The following ACTR3C variants were observed in gnomAD, a reference collection of about 807,000 sequenced individuals.
ACTR3C encodes actin-related protein 3C.
Under a neutral mutation model 26.3 loss-of-function variants are expected in ACTR3C, and 18 were observed. That is an observed-to-expected ratio of 0.68 (90% CI 0.47 to 1.01). The LOEUF is 1.01. Among genes scored for constraint, ACTR3C ranks in the 50% least tolerant of loss-of-function variants. The pLI, the probability that ACTR3C is intolerant of heterozygous loss-of-function variation, is 0.00. For synonymous variants in ACTR3C, 55 were observed against 94.5 expected, an observed-to-expected ratio of 0.58 and a Z score of 2.42; for missense variants, 184 against 250.7, an observed-to-expected ratio of 0.73 and a Z score of 1.80.
chr7:150,042,104 GCC>G, the ACTR3C span, among the ~76,000 whole-genome samples: 4 of 87,752 alleles, frequency 4.6e-5, no homozygotes, highest in African/African-American at 1.7e-4. Context: ...CGCGGGGGGT[GCC>G]TCCCCCCTCT....
chr7:150,044,632 A>G, the ACTR3C span: 1 of 152,234 alleles, frequency 6.6e-6, no homozygotes, highest in Non-Finnish European at 1.5e-5. Context: ...TAGCCTTGTT[A>G]GACTACCATA....
chr7:149,919,545 T>C, the ACTR3C span, among the ~76,000 whole-genome samples: 1 of 152,152 alleles, frequency 6.6e-6, no homozygotes, highest in Non-Finnish European at 1.5e-5. Flanking sequence ...TGGCCCCTTT[T>C]ACTTTCTTTT....
At chr7:150,084,979 G>T in the ACTR3C span, among the ~76,000 whole-genome samples, 5 of 152,114 alleles carry the variant, frequency 3.3e-5, no homozygotes, top group South Asian at 2.1e-4. Context: ...GATCGATGAG[G>T]CTTGCTGAAT....
the ACTR3C span, among the ~76,000 whole-genome samples, chr7:150,223,545 T>A: frequency 4.6e-5 from 7 of 152,038 alleles, no homozygotes; most frequent in African/African-American, 1.7e-4. Flanking sequence ...GTACAATTTT[T>A]AAACTCCTTA....
chr7:150,255,682 T>C (rs1833169976), intron 6 of ACTR3C, among the ~76,000 whole-genome samples: 1 of 152,158 alleles, frequency 6.6e-6, no homozygotes, highest in South Asian at 2.1e-4. Context: ...GTCTTTGGAA[T>C]GATCGTTTGC....
the ACTR3C span, among the ~76,000 whole-genome samples, chr7:150,064,168 G>C: frequency 4.0e-5 from 6 of 151,272 alleles, no homozygotes; most frequent in South Asian, 1.0e-3. Context: ...CACCTGGATG[G>C]CTTCACAAAT....
chr7:150,135,784 A>AGAAAGAAAG, the ACTR3C span, among the ~76,000 whole-genome samples: 3 of 151,892 alleles, frequency 2.0e-5, no homozygotes, highest in African/African-American at 7.3e-5. Flanking sequence ...AAAGAAAGAA[A>AGAAAGAAAG]GAAAGGAAAC....
chr7:149,936,945 A>C, the ACTR3C span, among the ~76,000 whole-genome samples: 1 of 151,394 alleles, frequency 6.6e-6, no homozygotes, highest in South Asian at 2.1e-4. Context: ...ATGTGCCACC[A>C]TACCCAGCTA....
the ACTR3C span, among the ~76,000 whole-genome samples, chr7:150,185,171 G>A: frequency 7.9e-5 from 12 of 152,046 alleles, no homozygotes; most frequent in African/African-American, 2.9e-4. Flanking sequence ...CAAACAGCAT[G>A]ATGCCCATAA....
intron 7 of ACTR3C, 132 bp from the exon 8 acceptor site, chr7:150,247,701 G>A (rs1488142614): frequency 1.4e-5 from 2 of 144,096 alleles, no homozygotes; most frequent in African/African-American, 2.6e-5. Flanking sequence ...TCCACTCTTG[G>A]AGGCGGGGCC....
intron 1 of ACTR3C, among the ~76,000 whole-genome samples, chr7:150,300,110 T>C (rs192538138): frequency 1.1e-4 from 17 of 152,070 alleles, no homozygotes; most frequent in Admixed American, 1.1e-3. Context: ...GCCAACACTT[T>C]AGGAGGCTGA....
the ACTR3C span, among the ~76,000 whole-genome samples, chr7:149,915,541 G>A: frequency 3.3e-5 from 3 of 90,828 alleles, no homozygotes; most frequent in Admixed American, 2.2e-4. Context: ...TTGTTTTCTG[G>A]TCAATTGGTT....
At chr7:150,230,588 A>G in the ACTR3C span, among the ~76,000 whole-genome samples, 1 of 152,114 alleles carries the variant, frequency 6.6e-6, no homozygotes, top group African/African-American at 2.4e-5. Flanking sequence ...CAAGGGATCT[A>G]GGTTGCATGC....
the ACTR3C span, among the ~76,000 whole-genome samples, chr7:149,910,982 C>A: frequency 6.6e-6 from 1 of 151,874 alleles, no homozygotes; most frequent in South Asian, 2.1e-4. Context: ...CTTCTGGAGG[C>A]AAGACCCAGG....
At chr7:149,968,262 C>T in the ACTR3C span, among the ~76,000 whole-genome samples, 1,639 of 152,284 alleles carry the variant, frequency 0.011, 19 homozygotes, top group African/African-American at 0.037. Context: ...AAAATAGTCT[C>T]GGGCTGGGCA....
At chr7:149,889,130 G>A in the ACTR3C span, among the ~76,000 whole-genome samples, 1 of 152,098 alleles carries the variant, frequency 6.6e-6, no homozygotes, top group Admixed American at 6.6e-5. Flanking sequence ...CTTGTATCTT[G>A]AATATATAAA....
chr7:150,154,436 C>T, the ACTR3C span, among the ~76,000 whole-genome samples: 4 of 151,510 alleles, frequency 2.6e-5, no homozygotes, highest in Non-Finnish European at 5.9e-5. Flanking sequence ...TTACATAGGG[C>T]GATTTGTTGG....
the ACTR3C span, among the ~76,000 whole-genome samples, chr7:149,895,931 C>T: frequency 6.6e-6 from 1 of 151,142 alleles, no homozygotes; most frequent in Admixed American, 6.6e-5. Context: ...GGCACAGTGG[C>T]TCACACCTGT....
chr7:149,978,508 G>A, the ACTR3C span, among the ~76,000 whole-genome samples: 35 of 151,710 alleles, frequency 2.3e-4, no homozygotes, highest in Admixed American at 5.9e-4. Context: ...TAAGACCTAC[G>A]GGTGTCTACC....
Sources: gnomAD v4.1 joint callset for allele counts (sites outside exome capture counted in the v4.1 genomes callset) on GRCh38, gnomAD v4.1.1 for gene constraint, MANE v1.5 for transcripts, NCBI Gene and HGNC (gene_info 2026-07-23, HGNC 2026-07-21) for gene names.